Variants in CHIC1 observed in about 807,000 individuals in gnomAD.
CHIC1 encodes cysteine rich hydrophobic domain 1, also known as cysteine-rich hydrophobic domain-containing protein 1.
CHIC1 carries 7 observed loss-of-function variants against 18.5 expected under a neutral mutation model. The ratio of observed to expected loss-of-function variants is 0.38; its 90% confidence interval spans 0.22 to 0.71. CHIC1 has a LOEUF of 0.71. Ranked by LOEUF, CHIC1 falls within the 30% of genes least tolerant of loss-of-function variation. The probability of loss-of-function intolerance (pLI) is 0.49; values close to 1 mark genes in which losing one functional copy is unlikely to be tolerated. For synonymous variants in CHIC1, 77 were observed against 73.5 expected (o/e 1.05, Z -0.25); for missense variants, 159 against 176.9 (o/e 0.90, Z 0.57).
At chrX:73,597,620 C>CAT (rs35697207) in intron 3 of CHIC1, among the ~76,000 whole-genome samples, 4,502 of 104,075 alleles carry the variant, frequency 0.043, 106 homozygotes, top group Middle Eastern at 0.077. Flanking sequence ...CACACACACA[C>CAT]ATATATATAT....
chrX:73,648,914 CAA>C (rs2057902475), intron 3 of CHIC1, among the ~76,000 whole-genome samples: 1 of 111,095 alleles, frequency 9.0e-6, no homozygotes, highest in South Asian at 3.8e-4. Context: ...TCTCCAAGGT[CAA>C]AATGAAGGAA....
intron 3 of CHIC1, among the ~76,000 whole-genome samples, chrX:73,602,651 C>T (rs999103000): frequency 3.7e-5 from 4 of 108,614 alleles, no homozygotes; most frequent in Non-Finnish European, 7.5e-5. Flanking sequence ...GGTTTTAGGT[C>T]TTCCGTTTAA....
At chrX:73,593,232 TCTG>T (rs978475145) in intron 3 of CHIC1, among the ~76,000 whole-genome samples, 2 of 111,443 alleles carry the variant, frequency 1.8e-5, no homozygotes, top group African/African-American at 6.5e-5. Context: ...TTTGTTTTCT[TCTG>T]CTAGCTTTGT....
chrX:73,581,296 C>G (rs2057526028), intron 2 of CHIC1, among the ~76,000 whole-genome samples: 1 of 110,598 alleles, frequency 9.0e-6, no homozygotes, highest in African/African-American at 3.3e-5. Flanking sequence ...TATTATGACC[C>G]TTTACCCCAC....
chrX:73,611,019 C>CT (rs1189905087), intron 3 of CHIC1, among the ~76,000 whole-genome samples: 9 of 106,270 alleles, frequency 8.5e-5, no homozygotes, highest in East Asian at 2.9e-4. Flanking sequence ...AGAAAACCAG[C>CT]TTTTTTTATT....
At chrX:73,610,587 C>T (rs1247661927) in intron 3 of CHIC1, among the ~76,000 whole-genome samples, 3 of 108,178 alleles carry the variant, frequency 2.8e-5, no homozygotes, top group Non-Finnish European at 3.8e-5. Flanking sequence ...TAATGCTGGC[C>T]TATTAGAATG....
At chrX:73,605,583 A>G (rs2057678115) in intron 3 of CHIC1, among the ~76,000 whole-genome samples, 1 of 108,247 alleles carries the variant, frequency 9.2e-6, no homozygotes, top group Non-Finnish European at 1.9e-5. Flanking sequence ...GTTTCTTCAT[A>G]GTGTCGATGG....
In CHIC1 at chrX:73,563,293, C is replaced by T; in HGVS notation, c.9C>T (p.Ile3=). ...GATCGCGAGGTCACGTGATGAGCAT[C>T]CTGCTGCCCAACATGGCGGAGTTCG... MS[I]LLPNMAEFDT... Residue 3 remains isoleucine (I), a synonymous_variant, in exon 1 of 6, where the codon ATC becomes ATT. Transcript: ENST00000373502. The T allele has an allele frequency of 8.9e-7, 1 of 1,119,529 alleles. No homozygotes were observed. Among genetic ancestry groups the T allele is most frequent in the Non-Finnish European group, 1.2e-6 (1 of 846,598 alleles). The allele number at this position is 1,119,529 out of a possible 1,213,427, so 92.3% of individuals were successfully genotyped here.
intron 3 of CHIC1, among the ~76,000 whole-genome samples, chrX:73,654,165 T>C (rs1201795049): frequency 8.9e-6 from 1 of 112,586 alleles, no homozygotes; most frequent in Non-Finnish European, 1.9e-5. Flanking sequence ...TAATGTTAGC[T>C]GTGGTTTTAT....
intron 3 of CHIC1, among the ~76,000 whole-genome samples, chrX:73,662,177 A>G (rs2057984257): frequency 9.0e-6 from 1 of 110,842 alleles, no homozygotes; most frequent in Non-Finnish European, 1.9e-5. Flanking sequence ...TGCTATTTGC[A>G]GGTCTGAAGA....
At position 73,674,127 on chromosome X, in the gene CHIC1, G is replaced by C. The variant is rs758268879; in HGVS notation, c.508-5199G>C. Among the ~76,000 whole-genome samples the C allele has an allele frequency of 1.5e-4, 17 of 111,978 alleles. No homozygotes were observed. In the East Asian group the frequency reaches 4.8e-3, roughly 31 times the overall value. ...CTTGATCATGGTGGATAAGCTTTTT[G>C]ATGTGCTGCTGGATTCGGTTTGCCA... On this transcript the variant is annotated intron_variant, in intron 3 of 5. Coordinates refer to ENST00000373502, the MANE Select transcript of CHIC1 (RefSeq NM_001039840.4).
intron 3 of CHIC1, among the ~76,000 whole-genome samples, chrX:73,676,940 T>G (rs547183399): frequency 1.2e-4 from 14 of 112,086 alleles, no homozygotes; most frequent in Admixed American, 3.8e-4. Flanking sequence ...TTGTTAGTTT[T>G]CCTTCTAACA....
chrX:73,595,471 G>A (rs966214455), intron 3 of CHIC1, among the ~76,000 whole-genome samples: 1 of 111,221 alleles, frequency 9.0e-6, no homozygotes, highest in Non-Finnish European at 1.9e-5. Flanking sequence ...ATGGCTTCCA[G>A]CTTCACCCAT....
intron 3 of CHIC1, among the ~76,000 whole-genome samples, chrX:73,633,432 T>G (rs902679478): frequency 9.0e-6 from 1 of 111,456 alleles, no homozygotes; most frequent in Non-Finnish European, 1.9e-5. Context: ...ATAGTTCCCT[T>G]AGATGTGATG....
chrX:73,634,046 G>T (rs1311018448), intron 3 of CHIC1, among the ~76,000 whole-genome samples: 1 of 111,679 alleles, frequency 9.0e-6, no homozygotes, highest in East Asian at 2.8e-4. Context: ...TTTATTCAGG[G>T]TCTTCACTGG....
At chrX:73,652,390 T>G (rs1213193676) in intron 3 of CHIC1, among the ~76,000 whole-genome samples, 1 of 111,970 alleles carries the variant, frequency 8.9e-6, no homozygotes, top group Non-Finnish European at 1.9e-5. Flanking sequence ...ACAAATGGGA[T>G]CTAATGAAAC....
chrX:73,674,845 C>T (rs1278128654), intron 3 of CHIC1, among the ~76,000 whole-genome samples: 1 of 111,453 alleles, frequency 9.0e-6, no homozygotes, highest in East Asian at 2.8e-4. Flanking sequence ...AATTTTGGAT[C>T]TTTCCTGCTT....
chrX:73,670,965 G>A (rs1716974263), intron 3 of CHIC1, among the ~76,000 whole-genome samples: 2 of 112,100 alleles, frequency 1.8e-5, no homozygotes, highest in Non-Finnish European at 1.9e-5. Flanking sequence ...GTGCTGATGA[G>A]AAGAATGTGT....
Position 73,679,315 on chromosome X carries a change from A to G in CHIC1, c.508-11A>G. Reference sequence around the variant, plus strand: ...GTCATCTTGTAACAAAGTCTTGATCATTTTTCTTAGACCAGAAGATCAATT... The same window carrying G: ...GTCATCTTGTAACAAAGTCTTGATCGTTTTTCTTAGACCAGAAGATCAATT... On this transcript the variant is annotated splice_polypyrimidine_tract_variant and intron_variant, in intron 3 of 5. Transcript: ENST00000373502. 1 of 1,109,586 alleles carries G rather than the reference A, an allele frequency of 9.0e-7. No homozygotes were observed. Among genetic ancestry groups the G allele is most frequent in the Admixed American group, 2.3e-5 (1 of 43,623 alleles). The allele number at this position is 1,109,586 out of a possible 1,213,427, so 91.4% of individuals were successfully genotyped here.
Sources: gnomAD v4.1 joint callset for allele counts (sites outside exome capture counted in the v4.1 genomes callset) on GRCh38, gnomAD v4.1.1 for gene constraint, MANE v1.5 for transcripts, NCBI Gene and HGNC (gene_info 2026-07-23, HGNC 2026-07-21) for gene names.